PRSS23: variants seen among roughly 807,000 people sequenced by gnomAD.
PRSS23 encodes protease, serine 23.
A neutral mutation model predicts 34.7 loss-of-function variants in PRSS23; 25 were observed. The ratio of observed to expected loss-of-function variants is 0.72; its 90% CI spans 0.53 to 1.01. The LOEUF (loss-of-function observed/expected upper bound fraction) is 1.01. Among genes scored for constraint, PRSS23 ranks in the 50% least tolerant of loss-of-function variants. PRSS23 has a pLI of 0.00. For synonymous variants in PRSS23, 176 were observed against 186.6 expected, an observed-to-expected ratio of 0.94 and a Z score of 0.46; for missense variants, 445 against 475.6, an observed-to-expected ratio of 0.94 and a Z score of 0.60.
At chr11:86,821,108 T>C in intron 1 of PRSS23, 1 of 491,326 alleles carries the variant, frequency 2.0e-6, no homozygotes, top group South Asian at 2.9e-5. Flanking sequence ...TAATGTTAAT[T>C]ATGTGATCTG....
chr11:86,833,450 G>C, intron 2 of PRSS23: 1 of 517,388 alleles, frequency 1.9e-6, no homozygotes, highest in Non-Finnish European at 3.6e-6. Flanking sequence ...GTTAGATTCT[G>C]TGGGTCTGTA....
At chr11:86,909,339 C>T (rs1948963116) in intron 2 of PRSS23, 1 of 152,224 alleles carries the variant, frequency 6.6e-6, no homozygotes, top group African/African-American at 2.4e-5. Context: ...CCATGGGTTC[C>T]TGATAGCACT....
Position 86,852,227 on chromosome 11 carries a change from C to T in PRSS23, c.206+28634C>T, listed in dbSNP as rs140203490. On this transcript the variant is annotated intron_variant, in intron 2 of 2. Coordinates refer to the PRSS23 transcript ENST00000533902. ...AGAAGACAGGGTGAGACATGAGCCT[C>T]CTGATAGAGGTGATGGGTGTGGAGC... is the stretch of plus-strand genomic sequence containing the variant. Among the ~76,000 whole-genome samples the T allele has an allele frequency of 1.0e-3, 158 of 152,264 alleles. 2 individuals carry two copies. Among genetic ancestry groups the T allele is most frequent in the Middle Eastern group, 0.01 (3 of 294 alleles).
At chr11:86,915,520 G>A (rs1392577727) in intron 2 of PRSS23, among the ~76,000 whole-genome samples, 1 of 149,064 alleles carries the variant, frequency 6.7e-6, no homozygotes, top group Non-Finnish European at 1.5e-5. Flanking sequence ...GCAAATATCT[G>A]CTTAGAGTCG....
intron 2 of PRSS23, among the ~76,000 whole-genome samples, chr11:86,928,313 T>C (rs1246889223): frequency 1.3e-5 from 2 of 148,332 alleles, no homozygotes; most frequent in African/African-American, 4.9e-5. Flanking sequence ...TACATAAGTA[T>C]ATAATACATA....
At chr11:86,935,799 T>C (rs1373403869) in intron 2 of PRSS23, 1 of 152,224 alleles carries the variant, frequency 6.6e-6, no homozygotes, top group East Asian at 1.9e-4. Context: ...AACTCCAAAG[T>C]ACATGCTCTT....
At chr11:86,853,637 A>G (rs1948547507) in intron 2 of PRSS23, among the ~76,000 whole-genome samples, 1 of 152,088 alleles carries the variant, frequency 6.6e-6, no homozygotes, top group Non-Finnish European at 1.5e-5. Context: ...CTGTCCACGA[A>G]CGCTTGGGTT....
Position 86,829,287 on chromosome 11 carries a change from G to A in PRSS23, c.206+5694G>A, listed in dbSNP as rs182854914. Among the ~76,000 whole-genome samples, 112 of 152,020 alleles carry A rather than the reference G, an allele frequency of 7.4e-4. 2 individuals are homozygous for A. In the East Asian group the frequency reaches 0.018, roughly 24 times the overall value. On this transcript the variant is annotated intron_variant, in intron 2 of 2. Coordinates refer to the PRSS23 transcript ENST00000533902. Reference sequence around the variant, plus strand: ...ATCCTTTCTTCAAGTTGATCACATCGGCTCCTGAGGCTTCTGCATTCTTCA... The same window carrying A: ...ATCCTTTCTTCAAGTTGATCACATCAGCTCCTGAGGCTTCTGCATTCTTCA...
chr11:86,807,628 C>T lies in PRSS23; in HGVS notation c.-13-3C>T, dbSNP rs1395502306. ...CCTGACCTGCTTGTCTTTGTTTCTA[C>T]AGAACAGTGCTCGGCATGGCAGGGA... On this transcript the variant is annotated splice_region_variant and splice_polypyrimidine_tract_variant and intron_variant, in intron 1 of 1. Transcript: ENST00000280258. The T allele has an allele frequency of 1.9e-6, 3 of 1,589,952 alleles. No homozygotes were observed. In the South Asian group the frequency reaches 3.4e-5, roughly 18 times the overall value.
chr11:86,857,621 G>A (rs1054366971), intron 2 of PRSS23: 1 of 520,406 alleles, frequency 1.9e-6, no homozygotes, highest in Non-Finnish European at 3.9e-6. Flanking sequence ...GTAGTGCAGG[G>A]GGTGACAGAT....
At chr11:86,916,193 G>C (rs1256925009) in intron 2 of PRSS23, among the ~76,000 whole-genome samples, 1 of 152,144 alleles carries the variant, frequency 6.6e-6, no homozygotes, top group Non-Finnish European at 1.5e-5. Context: ...ATGTTAAAGT[G>C]ATTGTAGTTT....
chr11:86,867,482 G>C (rs1042723282), intron 2 of PRSS23, among the ~76,000 whole-genome samples: 15 of 152,186 alleles, frequency 9.9e-5, no homozygotes, highest in Admixed American at 7.9e-4. Flanking sequence ...ACTGAGGAAG[G>C]GATCAATAAA....
chr11:86,821,866 A>G (rs756358149), intron 1 of PRSS23: 2 of 401,460 alleles, frequency 5.0e-6, no homozygotes, highest in African/African-American at 4.1e-5. Context: ...AAGAGTACCA[A>G]TAATTTTTTA....
chr11:86,860,512 G>T (rs1048808022), intron 2 of PRSS23, among the ~76,000 whole-genome samples: 2 of 151,146 alleles, frequency 1.3e-5, no homozygotes, highest in Non-Finnish European at 3.0e-5. Flanking sequence ...CACAAGGGTT[G>T]TACACCCCCT....
rs142618839 is a variant in PRSS23 at position 86,951,205 on chromosome 11, T to C, written c.207-11T>C. ...AACCATTTCCTCTCTTCTCTCTCTT[T>C]ACCTTTCCAGAATTCACCAATCTGT... On this transcript the variant is annotated splice_polypyrimidine_tract_variant and intron_variant, in intron 2 of 2. Transcript: ENST00000533902. 264 of 1,614,114 alleles carry C rather than the reference T, an allele frequency of 1.6e-4. 1 individual carries two copies. The African/African-American group carries it at 2.9e-3, about 18-fold the overall frequency.
chr11:86,871,369 C>A (rs1159065913), intron 2 of PRSS23, among the ~76,000 whole-genome samples: 2 of 152,166 alleles, frequency 1.3e-5, no homozygotes, highest in Non-Finnish European at 2.9e-5. Context: ...TTGTTCAGTT[C>A]TCAGCTCACC....
chr11:86,822,858 A>G (rs1359772457), intron 1 of PRSS23, among the ~76,000 whole-genome samples: 1 of 152,174 alleles, frequency 6.6e-6, no homozygotes, highest in Admixed American at 6.5e-5. Context: ...AGGGAATACA[A>G]AATCGGTGTT....
intron 2 of PRSS23, among the ~76,000 whole-genome samples, chr11:86,939,672 CTGAGAA>C (rs1949194119): frequency 6.6e-6 from 1 of 150,504 alleles, no homozygotes; most frequent in African/African-American, 2.4e-5. Context: ...TTTTTCCTTC[CTGAGAA>C]TAAGTTCAGG....
intron 2 of PRSS23, among the ~76,000 whole-genome samples, chr11:86,831,442 C>G (rs900529143): frequency 6.6e-6 from 1 of 151,618 alleles, no homozygotes; most frequent in Admixed American, 6.6e-5. Flanking sequence ...AGCAGGTGTA[C>G]CCCCTGTGAA....
Sources: allele counts gnomAD v4.1 joint callset (sites outside exome capture counted in the v4.1 genomes callset), GRCh38; gene constraint gnomAD v4.1.1; transcripts MANE v1.5; gene names NCBI Gene and HGNC (gene_info 2026-07-23, HGNC 2026-07-21).